OSBPL6: variants seen among roughly 807,000 people sequenced by gnomAD.
OSBPL6 encodes the protein oxysterol binding protein like 6.
A neutral mutation model predicts 125.8 loss-of-function variants in OSBPL6; 49 were observed. The observed-to-expected ratio is 0.39, with a 90% CI of 0.31 to 0.49. The LOEUF is 0.49. Ranked by LOEUF, OSBPL6 falls within the 20% of genes least tolerant of loss-of-function variation. OSBPL6 has a pLI of 0.88. For synonymous variants in OSBPL6, 394 were observed against 391.8 expected (o/e 1.01, Z -0.07); for missense variants, 986 against 1,135.4 (o/e 0.87, Z 1.89).
At chr2:178,221,372 A>G (rs1393080222) in intron 1 of OSBPL6, among the ~76,000 whole-genome samples, 1 of 152,226 alleles carries the variant, frequency 6.6e-6, no homozygotes, top group Non-Finnish European at 1.5e-5. Flanking sequence ...AGGTAGTACT[A>G]CTTGAAAGAA....
intron 1 of OSBPL6, among the ~76,000 whole-genome samples, chr2:178,236,657 T>C (rs990241950): frequency 2.0e-5 from 3 of 152,222 alleles, no homozygotes; most frequent in African/African-American, 7.2e-5. Flanking sequence ...CTCCAAAGAC[T>C]GATGCTGGTA....
At chr2:178,324,139 G>A (rs778582282) in intron 3 of OSBPL6, 38 bp from the exon 4 acceptor site, 1 of 1,321,728 alleles carries the variant, frequency 7.6e-7, no homozygotes, top group South Asian at 1.5e-5. Flanking sequence ...TGAAAAGTGA[G>A]TTGTCTAACC....
intron 1 of OSBPL6, among the ~76,000 whole-genome samples, chr2:178,195,763 T>G (rs1330710164): frequency 2.6e-5 from 4 of 152,198 alleles, no homozygotes; most frequent in Non-Finnish European, 5.9e-5. Flanking sequence ...ATTTTTAAAT[T>G]GCTGGGCTAA....
chr2:178,286,595 A>T (rs1211810691), intron 2 of OSBPL6, among the ~76,000 whole-genome samples: 1 of 152,204 alleles, frequency 6.6e-6, no homozygotes, highest in Non-Finnish European at 1.5e-5. Context: ...TCTAATTTTC[A>T]TAGTGATGTG....
intron 1 of OSBPL6, among the ~76,000 whole-genome samples, chr2:178,229,651 G>A (rs1235451083): frequency 2.0e-5 from 3 of 152,102 alleles, no homozygotes; most frequent in East Asian, 3.9e-4. Context: ...GCAACATGGC[G>A]AAAACTCATC....
At chr2:178,375,473 A>G (rs558501380) in intron 15 of OSBPL6, among the ~76,000 whole-genome samples, 434 of 152,002 alleles carry the variant, frequency 2.9e-3, no homozygotes, top group African/African-American at 0.01. Context: ...CCCGGGCTGG[A>G]GGGCAGTGGC....
intron 12 of OSBPL6, among the ~76,000 whole-genome samples, chr2:178,350,195 A>G (rs149067767): frequency 6.6e-6 from 1 of 152,370 alleles, no homozygotes; most frequent in Admixed American, 6.5e-5. Flanking sequence ...AATCAGCCGC[A>G]GAGAGTAGGC....
intron 13 of OSBPL6, among the ~76,000 whole-genome samples, chr2:178,367,187 GA>G (rs201133122): frequency 4.0e-5 from 6 of 150,554 alleles, no homozygotes; most frequent in South Asian, 2.1e-4. Flanking sequence ...AAATACAGAG[GA>G]AAAAAAAACT....
At position 178,388,875 on chromosome 2, in the gene OSBPL6, G is replaced by A; in HGVS notation, c.2157-134G>A. 6.3e-6 allele frequency: 6 copies of A among 947,202 alleles called. No homozygotes were observed. The South Asian group carries it at 9.0e-5, about 14-fold the overall frequency. 58.7% of individuals were successfully genotyped at this position (947,202 alleles called of 1,614,324 possible). ...ATCGTAAATACTTAATGACCACAGAGAGAATTTCAAGACACAAATGGGAGG... is the reference window on the plus strand; with the variant it reads ...ATCGTAAATACTTAATGACCACAGAAAGAATTTCAAGACACAAATGGGAGG... On this transcript the variant is annotated intron_variant, in intron 20 of 24. Transcript: ENST00000190611.
chr2:178,291,565 G>A (rs1685261402), intron 2 of OSBPL6, among the ~76,000 whole-genome samples: 1 of 151,956 alleles, frequency 6.6e-6, no homozygotes, highest in Admixed American at 6.6e-5. Context: ...CTCTTCTTTG[G>A]TTTGTCAAGT....
intron 12 of OSBPL6, among the ~76,000 whole-genome samples, chr2:178,353,362 G>A (rs573644000): frequency 1.3e-5 from 2 of 152,288 alleles, no homozygotes; most frequent in Admixed American, 6.5e-5. Context: ...AAGGTTAGAC[G>A]AATGGCTATC....
At chr2:178,318,646 G>C (rs1178662262) in intron 3 of OSBPL6, among the ~76,000 whole-genome samples, 1 of 152,172 alleles carries the variant, frequency 6.6e-6, no homozygotes, top group African/African-American at 2.4e-5. Context: ...TCCCATTAGA[G>C]AATATCTAGG....
rs202227650 is a variant in OSBPL6, at chr2:178,395,903, A to G, written c.*344A>G. 64 of 406,328 alleles carry G rather than the reference A, an allele frequency of 1.6e-4. No homozygotes were observed. The highest frequency in any genetic ancestry group is 2.6e-4 in the Non-Finnish European group (54 of 211,568). The allele number at this position is 406,328 out of a possible 1,614,324, so 25.2% of individuals were successfully genotyped here. ...AAATGGTAACTGGTGCTTAAAGCTGATCAAGAAAGTTAACAACAACATAGA... is the reference window on the plus strand; with the variant it reads ...AAATGGTAACTGGTGCTTAAAGCTGGTCAAGAAAGTTAACAACAACATAGA... On this transcript the variant is annotated 3_prime_UTR_variant, in exon 25 of 25. Transcript: ENST00000190611.
chr2:178,233,991 C>G (rs1406625988), intron 1 of OSBPL6, among the ~76,000 whole-genome samples: 1 of 151,480 alleles, frequency 6.6e-6, no homozygotes. Flanking sequence ...TTTTTTTTCT[C>G]AAGAGTTGAA....
intron 1 of OSBPL6, among the ~76,000 whole-genome samples, chr2:178,203,103 G>A (rs946354123): frequency 2.0e-5 from 3 of 152,126 alleles, no homozygotes; most frequent in South Asian, 2.1e-4. Flanking sequence ...AGCTCACTGA[G>A]GCTATGTTCA....
At chr2:178,370,711 T>C (rs1459793607) in intron 13 of OSBPL6, among the ~76,000 whole-genome samples, 2 of 152,210 alleles carry the variant, frequency 1.3e-5, no homozygotes, top group Non-Finnish European at 2.9e-5. Context: ...TCTCCAAATG[T>C]AATGACTGTA....
chr2:178,255,085 C>A (rs762404166), intron 1 of OSBPL6, among the ~76,000 whole-genome samples: 130 of 152,322 alleles, frequency 8.5e-4, no homozygotes, highest in Non-Finnish European at 1.1e-3. Flanking sequence ...GGGCAGATCA[C>A]CTGAGGTCAG....
rs7563966 is a variant in OSBPL6, at chr2:178,333,596, G to A, written c.657+555G>A. ...GCAGTTAATTTTCCCTTTTATGAAC[G>A]GACTACCTTTTAACTTTATGTGGCT... On this transcript the variant is annotated intron_variant, in intron 8 of 24. Coordinates refer to ENST00000190611, the MANE Select transcript of OSBPL6 (RefSeq NM_032523.4). 9.2e-3 allele frequency among the ~76,000 whole-genome samples: 1,402 copies of A among 152,074 alleles called. 22 individuals carry two copies. The highest frequency in any genetic ancestry group is 0.032 in the African/African-American group (1,347 of 41,468).
chr2:178,241,552 A>G (rs1191856235), intron 1 of OSBPL6, among the ~76,000 whole-genome samples: 17 of 151,478 alleles, frequency 1.1e-4, no homozygotes, highest in Admixed American at 1.1e-3. Flanking sequence ...AGTAGCTGGG[A>G]TTACAGGCTC....
Sources: allele counts gnomAD v4.1 joint callset (sites outside exome capture counted in the v4.1 genomes callset), GRCh38; gene constraint gnomAD v4.1.1; transcripts MANE v1.5; gene names NCBI Gene and HGNC (gene_info 2026-07-23, HGNC 2026-07-21).